Variants in VPS13A observed in about 807,000 individuals in gnomAD.
VPS13A encodes vacuolar protein sorting 13 homolog A.
A neutral mutation model predicts 390.9 loss-of-function variants in VPS13A; 264 were observed. That is an observed-to-expected ratio of 0.68 (90% CI 0.61 to 0.75). The LOEUF is 0.75. Ranked by LOEUF, VPS13A falls within the 30% of genes least tolerant of loss-of-function variation. The pLI, the probability that VPS13A is intolerant of heterozygous loss-of-function variation, is 0.00. For missense variants in VPS13A, 3,409 were observed against 3,733.9 expected (o/e 0.91, Z 2.27); for synonymous variants, 1,231 against 1,227.1 (o/e 1.00, Z -0.07).
At chr9:77,298,232 G>T (rs1462112516) in intron 33 of VPS13A, among the ~76,000 whole-genome samples, 3 of 152,200 alleles carry the variant, frequency 2.0e-5, no homozygotes, top group Non-Finnish European at 4.4e-5. Context: ...GAATATATGT[G>T]CCTAGGTGAT....
intron 5 of VPS13A, among the ~76,000 whole-genome samples, chr9:77,208,652 C>T (rs545789391): frequency 2.1e-4 from 32 of 152,016 alleles, no homozygotes; most frequent in African/African-American, 2.2e-4. Context: ...CTGGTTCAAA[C>T]GATTCTCCTG....
At chr9:77,260,032 A>C (rs1825667586) in intron 22 of VPS13A, 54 bp from the exon 23 acceptor site, 1 of 1,152,042 alleles carries the variant, frequency 8.7e-7, no homozygotes, top group Non-Finnish European at 1.2e-6. Context: ...TAATTAGTGC[A>C]CTTAAATCAG....
At chr9:77,345,269 C>T in intron 52 of VPS13A, 127 bp downstream of exon 52, 4 of 1,072,564 alleles carry the variant, frequency 3.7e-6, no homozygotes, top group Non-Finnish European at 1.4e-6. Context: ...AAACAGTGTT[C>T]CATTAAAAAA....
At chr9:77,363,604 G>GT (rs1290568876) in intron 59 of VPS13A, among the ~76,000 whole-genome samples, 1 of 145,428 alleles carries the variant, frequency 6.9e-6, no homozygotes, top group African/African-American at 2.6e-5. Flanking sequence ...TAGAGACAGG[G>GT]TTTCACCATG....
chr9:77,236,329 G>A (rs999766241), intron 17 of VPS13A, among the ~76,000 whole-genome samples: 10 of 152,124 alleles, frequency 6.6e-5, no homozygotes, highest in African/African-American at 2.4e-4. Context: ...TTGAGTGTAA[G>A]CTTATTTAAC....
At chr9:77,333,930 A>AC (rs1184687400) in intron 46 of VPS13A, among the ~76,000 whole-genome samples, 12 of 152,222 alleles carry the variant, frequency 7.9e-5, no homozygotes, top group African/African-American at 2.9e-4. Flanking sequence ...GGCTATTGCC[A>AC]TCAAAAGATG....
At chr9:77,365,673 T>C (rs1218172949) in intron 60 of VPS13A, 100 bp downstream of exon 60, 13 of 724,952 alleles carry the variant, frequency 1.8e-5, no homozygotes, top group Middle Eastern at 3.9e-4. Flanking sequence ...AATCTGTAAA[T>C]ATACAATTAA....
At chr9:77,248,981 A>T (rs1386659113) in intron 20 of VPS13A, among the ~76,000 whole-genome samples, 1 of 152,048 alleles carries the variant, frequency 6.6e-6, no homozygotes, top group African/African-American at 2.4e-5. Context: ...ATCTGCTGGC[A>T]TTGACCTCCC....
At chr9:77,389,226 T>TA (rs1336142150) in intron 68 of VPS13A, among the ~76,000 whole-genome samples, 1 of 152,002 alleles carries the variant, frequency 6.6e-6, no homozygotes, top group African/African-American at 2.4e-5. Context: ...TTCTAAAGAT[T>TA]AAAAAAGCAT....
chr9:77,360,076 A>G (rs1832056827), intron 58 of VPS13A, among the ~76,000 whole-genome samples: 1 of 152,154 alleles, frequency 6.6e-6, no homozygotes, highest in African/African-American at 2.4e-5. Context: ...TGTCACCAAG[A>G]TAACCTATCT....
chr9:77,400,222 G>GTTTTTTTTTTTTT (rs1834313781), intron 68 of VPS13A, among the ~76,000 whole-genome samples: 1 of 84,610 alleles, frequency 1.2e-5, no homozygotes. Context: ...TTATCAGTCA[G>GTTTTTTTTTTTTT]ATTTTTTTTT....
Position 77,226,471 on chromosome 9 carries a change from G to A in VPS13A, c.1230G>A (p.Lys410=), listed in dbSNP as rs1451055927. Residue 410 remains lysine, a synonymous_variant, in exon 15 of 72, where the codon AAG becomes AAA. Transcript: ENST00000360280. ...TGAAAATTTATTCATTTTAGGTAAA[G>A]AAAGCTGGATACAAAATTTACAAAG... is the stretch of plus-strand genomic sequence containing the variant. ...IARQTAEVEV[K]KAGYKIYKEG... is the part of the protein sequence containing the mutation. 1 of 1,608,368 alleles carries A rather than the reference G, an allele frequency of 6.2e-7. No homozygotes were observed. The highest frequency in any genetic ancestry group is 2.2e-5 in the East Asian group (1 of 44,690).
chr9:77,263,573 C>A lies in VPS13A; in HGVS notation c.2427+3349C>A, dbSNP rs151069619. 5.8e-3 allele frequency among the ~76,000 whole-genome samples: 886 copies of A among 152,184 alleles called. 8 individuals carry two copies. Among genetic ancestry groups the A allele is most frequent in the Middle Eastern group, 0.02 (6 of 294 alleles). On this transcript the variant is annotated intron_variant, in intron 23 of 71. Transcript: ENST00000360280. ...GAGAAGTGTCTGTTCATATCCTTCG[C>A]CTACTTTTTGATGGGGTTGTTGGTT...
intron 5 of VPS13A, among the ~76,000 whole-genome samples, chr9:77,207,980 G>A (rs1825773791): frequency 6.6e-6 from 1 of 152,082 alleles, no homozygotes; most frequent in South Asian, 2.1e-4. Context: ...TTCAGGATTG[G>A]TACTTTATTG....
intron 55 of VPS13A, 33 bp downstream of exon 55, chr9:77,356,900 A>T: frequency 6.2e-7 from 1 of 1,611,116 alleles, no homozygotes; most frequent in Non-Finnish European, 8.5e-7. Context: ...TGAAGTTTTA[A>T]TTTTTTGCCT....
chr9:77,371,881 T>G (rs372257489), intron 67 of VPS13A, among the ~76,000 whole-genome samples: 4,324 of 135,270 alleles, frequency 0.032, 96 homozygotes, highest in Middle Eastern at 0.053. Context: ...AGTTCCCACC[T>G]ATGAGTGAGA....
At chr9:77,360,710 G>C in intron 59 of VPS13A, 69 bp downstream of exon 59, 1 of 1,190,924 alleles carries the variant, frequency 8.4e-7, no homozygotes, top group Non-Finnish European at 1.2e-6. Flanking sequence ...ATTTTTAAAG[G>C]TATTAAAATG....
chr9:77,370,836 C>T, intron 65 of VPS13A, 54 bp from the exon 66 acceptor site: 1 of 1,608,670 alleles, frequency 6.2e-7, no homozygotes, highest in Non-Finnish European at 8.5e-7. Context: ...AAACTTGGTT[C>T]TTCTAGGCAT....
chr9:77,407,418 A>G (rs1274484610), intron 70 of VPS13A, 115 bp from the exon 71 acceptor site: 8 of 793,432 alleles, frequency 1.0e-5, no homozygotes, highest in Non-Finnish European at 1.3e-5. Flanking sequence ...TTTAAGGTGC[A>G]TGATTTGTAT....
Sources: gnomAD v4.1 joint callset for allele counts (sites outside exome capture counted in the v4.1 genomes callset) on GRCh38, gnomAD v4.1.1 for gene constraint, MANE v1.5 for transcripts, NCBI Gene and HGNC (gene_info 2026-07-23, HGNC 2026-07-21) for gene names.